Variants in EMSY observed in about 807,000 individuals in gnomAD.
EMSY encodes the protein BRCA2-interacting transcriptional repressor EMSY.
Under a neutral mutation model 134.6 loss-of-function variants are expected in EMSY, and 26 were observed. The observed-to-expected ratio is 0.19, with a 90% CI of 0.14 to 0.27. The LOEUF is 0.27. Ranked by LOEUF, EMSY falls within the 10% of genes least tolerant of loss-of-function variation. The pLI is 1.00. For missense variants in EMSY, 1,305 were observed against 1,611.4 expected (o/e 0.81, Z 3.26); for synonymous variants, 579 against 577.8 (o/e 1.00, Z -0.03).
chr11:76,454,744 T>C lies in EMSY; in HGVS notation c.245+1356T>C. The C allele has an allele frequency of 1.4e-6, 2 of 1,456,994 alleles. No individual in the cohort carries two copies. Among genetic ancestry groups the C allele is most frequent in the South Asian group, 1.2e-5 (1 of 80,402 alleles). The allele number at this position is 1,456,994 out of a possible 1,614,324, so 90.3% of individuals were successfully genotyped here. A position where few individuals can be genotyped will look rare whatever the true frequency, so the allele number is the denominator to read the frequency against. Reference sequence around the variant, plus strand: ...AGTCTCCTTTTCCTTTTTTCCCCTTTAAAGAATGAATTTATCCTTATATTT... The same window carrying C: ...AGTCTCCTTTTCCTTTTTTCCCCTTCAAAGAATGAATTTATCCTTATATTT... On this transcript the variant is annotated intron_variant, in intron 4 of 20. Transcript: ENST00000334736.
intron 14 of EMSY, among the ~76,000 whole-genome samples, chr11:76,531,263 T>C (rs1951031070): frequency 1.3e-5 from 2 of 152,264 alleles, no homozygotes; most frequent in Admixed American, 1.3e-4. Context: ...TATTCAAATA[T>C]TGTTAATTAG....
Position 76,533,711 on chromosome 11 carries a change from G to A in EMSY, c.2195-2184G>A, listed in dbSNP as rs548738141. 5.3e-5 allele frequency among the ~76,000 whole-genome samples: 8 copies of A among 152,224 alleles called. No individual in the cohort carries two copies. The East Asian group carries it at 7.7e-4, about 15-fold the overall frequency. On this transcript the variant is annotated intron_variant, in intron 14 of 20. Coordinates refer to ENST00000334736, the Ensembl canonical transcript of EMSY. ...AAAGTGTATATCTCTAGTATCTAAC[G>A]TGTAGTAGGTATCCAACAAACACTT...
At chr11:76,536,284 A>G (rs1384218221) in intron 15 of EMSY, among the ~76,000 whole-genome samples, 1 of 152,128 alleles carries the variant, frequency 6.6e-6, no homozygotes, top group South Asian at 2.1e-4. Flanking sequence ...CAGATGGACT[A>G]TCTGTAGAAA....
At chr11:76,453,259 T>C in intron 3 of EMSY, 55 bp from the exon 4 acceptor site, 1 of 1,526,934 alleles carries the variant, frequency 6.5e-7, no homozygotes, top group Non-Finnish European at 9.0e-7. Flanking sequence ...TTAATGAAAG[T>C]ATAGAAAGAG....
intron 8 of EMSY, among the ~76,000 whole-genome samples, chr11:76,480,349 A>T (rs1948922158): frequency 6.6e-6 from 1 of 152,206 alleles, no homozygotes; most frequent in Non-Finnish European, 1.5e-5. Context: ...ATGGTAACAA[A>T]AAAGCATGTA....
chr11:76,549,521 A>G (rs1478145354), intron 20 of EMSY, among the ~76,000 whole-genome samples: 1 of 152,236 alleles, frequency 6.6e-6, no homozygotes, highest in Non-Finnish European at 1.5e-5. Context: ...ACATTTGCTT[A>G]ATAATAAATG....
At chr11:76,485,638 A>G (rs1176971729) in intron 8 of EMSY, among the ~76,000 whole-genome samples, 2 of 152,232 alleles carry the variant, frequency 1.3e-5, no homozygotes, top group Admixed American at 6.5e-5. Context: ...AACTGGTACA[A>G]GACAAGAATG....
At chr11:76,518,167 CTTTTTTT>C (rs35911259) in intron 11 of EMSY, among the ~76,000 whole-genome samples, 1 of 119,518 alleles carries the variant, frequency 8.4e-6, no homozygotes, top group Non-Finnish European at 1.7e-5. Flanking sequence ...GAAGTACTTT[CTTTTTTT>C]TTTTTTTTTT....
At chr11:76,502,465 AG>A (rs1949909714) in intron 9 of EMSY, among the ~76,000 whole-genome samples, 2 of 149,988 alleles carry the variant, frequency 1.3e-5, no homozygotes, top group African/African-American at 4.9e-5. Context: ...AAAAAAAAAA[AG>A]CATCCAGATT....
chr11:76,473,399 C>T (rs1295665741), intron 8 of EMSY, among the ~76,000 whole-genome samples: 26 of 151,850 alleles, frequency 1.7e-4, no homozygotes, highest in Admixed American at 1.5e-3. Context: ...CTCCACCTCC[C>T]GGGCTTAAGT....
At chr11:76,487,914 A>C (rs950584962) in intron 8 of EMSY, among the ~76,000 whole-genome samples, 13 of 152,180 alleles carry the variant, frequency 8.5e-5, no homozygotes, top group African/African-American at 3.1e-4. Context: ...TTTTTTCTTT[A>C]ATATCTATGA....
intron 9 of EMSY, among the ~76,000 whole-genome samples, chr11:76,507,383 C>T (rs1340949329): frequency 3.3e-5 from 5 of 152,182 alleles, no homozygotes; most frequent in Admixed American, 2.0e-4. Flanking sequence ...GCATGGAATG[C>T]TGTTTTACAA....
At chr11:76,478,340 A>ATTTTTT (rs371584435) in intron 8 of EMSY, among the ~76,000 whole-genome samples, 10 of 122,576 alleles carry the variant, frequency 8.2e-5, no homozygotes, top group African/African-American at 3.1e-4. Flanking sequence ...CATGTGAATA[A>ATTTTTT]TTTTTTTTTT....
intron 2 of EMSY, among the ~76,000 whole-genome samples, chr11:76,449,540 A>T (rs1181228537): frequency 6.6e-6 from 1 of 152,124 alleles, no homozygotes; most frequent in Non-Finnish European, 1.5e-5. Flanking sequence ...CATTTTTCTC[A>T]AACTATTCCC....
intron 20 of EMSY, 40 bp downstream of exon 21, chr11:76,546,337 G>C (rs1230559702): frequency 6.4e-7 from 1 of 1,566,442 alleles, no homozygotes; most frequent in African/African-American, 1.4e-5. Flanking sequence ...TGTGCATCTT[G>C]GGGGTTGTGG....
intron 13 of EMSY, 143 bp downstream of exon 14, chr11:76,526,778 C>A: frequency 1.3e-6 from 1 of 797,018 alleles, no homozygotes; most frequent in Non-Finnish European, 1.9e-6. Flanking sequence ...GTTAATTATT[C>A]AAGTATTGTC....
At position 76,488,930 on chromosome 11, in the gene EMSY, A is replaced by C. The variant is rs184870906; in HGVS notation, c.1109-7285A>C. On this transcript the variant is annotated intron_variant, in intron 8 of 20. Transcript: ENST00000334736. ...TTCTGTGGGTCTGTCTTAGGAAAGA[A>C]AAAATCTTTCCTAGAAGTCTTCCAT... is the stretch of plus-strand genomic sequence containing the variant. Among the ~76,000 whole-genome samples, 212 of 152,350 alleles carry C rather than the reference A, an allele frequency of 1.4e-3. 1 individual carries two copies. The highest frequency in any genetic ancestry group is 5.0e-3 in the African/African-American group (207 of 41,578).
At chr11:76,469,433 G>T (rs1028528476) in intron 7 of EMSY, among the ~76,000 whole-genome samples, 2 of 152,122 alleles carry the variant, frequency 1.3e-5, no homozygotes, top group Admixed American at 6.5e-5. Context: ...GAATTCTTTG[G>T]ATTCTCAGAG....
chr11:76,453,345 C>T (rs2134870784), exon 4 of EMSY: 1 of 1,612,872 alleles, frequency 6.2e-7, no homozygotes, highest in Non-Finnish European at 8.5e-7. Flanking sequence ...TGCTGAAGTT[C>T]GGAGAGCAGT....
Sources: allele counts gnomAD v4.1 joint callset (sites outside exome capture counted in the v4.1 genomes callset), GRCh38; gene constraint gnomAD v4.1.1; transcripts MANE v1.5; gene names NCBI Gene and HGNC (gene_info 2026-07-23, HGNC 2026-07-21).